RBPJ: variants seen among roughly 807,000 people sequenced by gnomAD.
RBPJ encodes recombination signal binding protein for immunoglobulin kappa J region.
Under a neutral mutation model 67.8 loss-of-function variants are expected in RBPJ, and 9 were observed. That is an observed-to-expected ratio of 0.13 (90% CI 0.08 to 0.23). The LOEUF (loss-of-function observed/expected upper bound fraction) is 0.23, where lower values mean the gene tolerates loss of function less well. RBPJ is among the 10% of genes least tolerant of loss of function. The pLI is 1.00. For synonymous variants in RBPJ, 198 were observed against 203.3 expected, an observed-to-expected ratio of 0.97 and a Z score of 0.22; for missense variants, 305 against 595.6, an observed-to-expected ratio of 0.51 and a Z score of 5.08.
At chr4:26,313,797 A>G (rs536708370) in intron 1 of RBPJ, among the ~76,000 whole-genome samples, 4 of 152,172 alleles carry the variant, frequency 2.6e-5, no homozygotes, top group East Asian at 3.9e-4. Context: ...GATTGCACCA[A>G]TGCACTCCAG....
intron 1 of RBPJ, among the ~76,000 whole-genome samples, chr4:26,249,522 A>G (rs988187779): frequency 2.0e-5 from 3 of 152,002 alleles, no homozygotes; most frequent in East Asian, 3.9e-4. Flanking sequence ...TTAGCCGGGC[A>G]TGGTGGTGGG....
At chr4:26,283,493 C>T (rs7658244) in intron 1 of RBPJ, among the ~76,000 whole-genome samples, 2 of 151,152 alleles carry the variant, frequency 1.3e-5, no homozygotes, top group African/African-American at 2.4e-5. Context: ...TGAAGTGAGC[C>T]GAGATGGCGC....
At chr4:26,347,140 T>C (rs2109425130) in intron 1 of RBPJ, among the ~76,000 whole-genome samples, 1 of 152,258 alleles carries the variant, frequency 6.6e-6, no homozygotes, top group East Asian at 1.9e-4. Context: ...TGAGTTAGTT[T>C]GGGGAGAAGA....
Position 26,192,010 on chromosome 4 carries a change from AT to A in RBPJ, c.-167+28412del, listed in dbSNP as rs35579283. ...ACATTTGTTTGTCCCATTCTTTAAA[AT>A]TTTTTTTTTTTTTTTGAGGCAGAGT... On this transcript the variant is annotated intron_variant, in intron 1 of 4. Transcript: ENST00000512351. Among the ~76,000 whole-genome samples, 1,033 of 142,614 alleles carry A rather than the reference AT, an allele frequency of 7.2e-3. 11 individuals are homozygous for A. The highest frequency in any genetic ancestry group is 0.018 in the African/African-American group (705 of 38,276). 93.6% of individuals were successfully genotyped at this position (142,614 alleles called of 152,430 possible).
the RBPJ span, among the ~76,000 whole-genome samples, chr4:26,117,217 C>T: frequency 6.6e-6 from 1 of 152,008 alleles, no homozygotes; most frequent in African/African-American, 2.4e-5. Flanking sequence ...CCTTGGTACT[C>T]CTGCCCCATG....
At chr4:26,276,231 T>G (rs1195289140) in intron 1 of RBPJ, among the ~76,000 whole-genome samples, 28 of 143,504 alleles carry the variant, frequency 2.0e-4, no homozygotes, top group African/African-American at 7.4e-4. Context: ...GCCAAGATTG[T>G]GCATGCAATC....
chr4:26,393,188 A>G (rs1473481145), intron 2 of RBPJ, among the ~76,000 whole-genome samples: 2 of 152,132 alleles, frequency 1.3e-5, no homozygotes, highest in East Asian at 1.9e-4. Context: ...GAAAGAGAGC[A>G]AACTACAGAT....
At position 26,292,002 on chromosome 4, in the gene RBPJ, G is replaced by A. The variant is rs553381749; in HGVS notation, c.-166-70444G>A. 2.6e-4 allele frequency among the ~76,000 whole-genome samples: 39 copies of A among 150,974 alleles called. 1 individual carries two copies. Among genetic ancestry groups the A allele is most frequent in the African/African-American group, 8.0e-4 (33 of 41,088 alleles). ...TGACGATTTGATATATGTACATATT[G>A]TGAAATGATTACCACAATCAAGTTA... On this transcript the variant is annotated intron_variant, in intron 1 of 4. Transcript: ENST00000512351.
At chr4:26,420,035 A>G (rs910167266) in intron 4 of RBPJ, among the ~76,000 whole-genome samples, 1 of 152,080 alleles carries the variant, frequency 6.6e-6, no homozygotes, top group African/African-American at 2.4e-5. Flanking sequence ...TTTGTCTATC[A>G]TTGTTTTCCT....
At chr4:26,405,671 A>G (rs1733327672) in intron 2 of RBPJ, among the ~76,000 whole-genome samples, 1 of 152,150 alleles carries the variant, frequency 6.6e-6, no homozygotes. Context: ...TGGTCCTTAT[A>G]GGATTGTCAT....
At chr4:26,360,895 C>A (rs1450885854) in intron 1 of RBPJ, among the ~76,000 whole-genome samples, 1 of 151,134 alleles carries the variant, frequency 6.6e-6, no homozygotes, top group Non-Finnish European at 1.5e-5. Context: ...TAGGCGTGAG[C>A]CACCGCTCCC....
At chr4:26,125,895 C>T in the RBPJ span, among the ~76,000 whole-genome samples, 1 of 152,076 alleles carries the variant, frequency 6.6e-6, no homozygotes, top group Non-Finnish European at 1.5e-5. Context: ...AAGAACAATG[C>T]AGCTGGAGAG....
chr4:26,141,109 G>T, the RBPJ span, among the ~76,000 whole-genome samples: 1 of 152,172 alleles, frequency 6.6e-6, no homozygotes, highest in Non-Finnish European at 1.5e-5. Flanking sequence ...CAGCCCCTTT[G>T]TCTATAAGAC....
chr4:26,199,209 G>C (rs573345525), intron 1 of RBPJ, among the ~76,000 whole-genome samples: 128 of 152,278 alleles, frequency 8.4e-4, no homozygotes, highest in Admixed American at 3.5e-3. Context: ...ACTTTGGGAG[G>C]CTGAGAGGAG....
At chr4:26,299,748 G>T (rs1306590572) in intron 1 of RBPJ, among the ~76,000 whole-genome samples, 1 of 138,090 alleles carries the variant, frequency 7.2e-6, no homozygotes, top group African/African-American at 2.7e-5. Flanking sequence ...GCGAGATCCT[G>T]GCTCACTGCA....
At chr4:26,297,276 C>T (rs1877208) in intron 1 of RBPJ, among the ~76,000 whole-genome samples, 5,104 of 151,556 alleles carry the variant, frequency 0.034, 194 homozygotes, top group Middle Eastern at 0.11. Context: ...GCACTCTAGC[C>T]GGGGTGACAG....
upstream of RBPJ, among the ~76,000 whole-genome samples, chr4:26,316,677 T>C (rs1004622134): frequency 1.6e-4 from 23 of 143,818 alleles, 1 homozygote; most frequent in African/African-American, 5.6e-4. Context: ...TATACACATA[T>C]ATATATATAC....
At chr4:26,203,673 C>G (rs953891811) in intron 1 of RBPJ, among the ~76,000 whole-genome samples, 2 of 152,176 alleles carry the variant, frequency 1.3e-5, no homozygotes, top group Admixed American at 1.3e-4. Context: ...TGGGGTCCAC[C>G]ACATAAAGGC....
the RBPJ span, among the ~76,000 whole-genome samples, chr4:26,125,198 G>T: frequency 5.9e-5 from 9 of 152,224 alleles, no homozygotes; most frequent in Non-Finnish European, 1.0e-4. Flanking sequence ...CTGCAAGGGT[G>T]GCTGGGAAAT....
Sources: gnomAD v4.1 joint callset for allele counts (sites outside exome capture counted in the v4.1 genomes callset) on GRCh38, gnomAD v4.1.1 for gene constraint, MANE v1.5 for transcripts, NCBI Gene and HGNC (gene_info 2026-07-23, HGNC 2026-07-21) for gene names.